C7: variants seen among roughly 807,000 people sequenced by gnomAD.
The protein encoded by C7 is complement C7.
A neutral mutation model predicts 104.8 loss-of-function variants in C7; 83 were observed. The observed-to-expected ratio is 0.79, with a 90% CI of 0.66 to 0.95. The LOEUF (loss-of-function observed/expected upper bound fraction) is 0.95, where lower values mean the gene tolerates loss of function less well. Among genes scored for constraint, C7 ranks in the 40% least tolerant of loss-of-function variants. C7 has a pLI of 0.00. For synonymous variants in C7, 415 were observed against 360.6 expected, an observed-to-expected ratio of 1.15 and a Z score of -1.71; for missense variants, 1,070 against 1,011.2, an observed-to-expected ratio of 1.06 and a Z score of -0.79.
In C7 at chr5:40,934,281, A is replaced by G. The variant is rs754802328; in HGVS notation, c.139-44A>G. 3 of 1,467,462 alleles carry G rather than the reference A, an allele frequency of 2.0e-6. No homozygotes were observed. In the South Asian group the frequency reaches 4.7e-5, roughly 23 times the overall value. 90.9% of individuals were successfully genotyped at this position (1,467,462 alleles called of 1,614,324 possible). On this transcript the variant is annotated intron_variant, in intron 3 of 17. Transcript: ENST00000313164. ...AAAGGAAACTAGAGATTTCTTTGAA[A>G]ACAAACAAATAAACAAACAAACCAC...
chr5:40,937,353 C>T, intron 5 of C7, 199 bp from the exon 6 acceptor site: 1 of 359,672 alleles, frequency 2.8e-6, no homozygotes. Flanking sequence ...GTGATTATAC[C>T]AAGCAGGGGA....
intron 6 of C7, among the ~76,000 whole-genome samples, chr5:40,943,406 A>T (rs1438297145): frequency 6.6e-6 from 1 of 152,178 alleles, no homozygotes; most frequent in Non-Finnish European, 1.5e-5. Context: ...GGAGGGTATT[A>T]ATTAAAGAAA....
intron 4 of C7, 97 bp from the exon 5 acceptor site, chr5:40,936,241 G>T (rs919897179): frequency 5.2e-6 from 5 of 957,442 alleles, no homozygotes; most frequent in African/African-American, 3.2e-5. Context: ...GCGTATCAGT[G>T]CAGTGTTACA....
intron 1 of C7, among the ~76,000 whole-genome samples, chr5:40,918,028 G>T (rs1739355824): frequency 6.6e-6 from 1 of 152,132 alleles, no homozygotes; most frequent in Admixed American, 6.5e-5. Flanking sequence ...TTCTCTGGAA[G>T]CCTCATAATA....
intron 9 of C7, among the ~76,000 whole-genome samples, chr5:40,952,374 C>A (rs976558127): frequency 1.3e-5 from 2 of 152,132 alleles, no homozygotes; most frequent in Admixed American, 6.6e-5. Context: ...ATTGGGCTGC[C>A]TTTTCTAGGG....
rs763481209 is a variant in C7, at chr5:40,964,767, G to T, written c.1776G>T (p.Gly592=). The change falls in exon 14 of 18, where the codon GGG becomes GGT. Residue 592 remains glycine, a synonymous_variant. Transcript: ENST00000313164. ...ATGAAGGTACAATGTTTCCTGTGGG[G>T]AAAAATGTAGTGTACACTTGCAATG... ...VQDEGTMFPV[G]KNVVYTCNEG... is the part of the protein sequence containing the mutation. 9 of 1,612,694 alleles carry T rather than the reference G, an allele frequency of 5.6e-6. No homozygotes were observed. Among genetic ancestry groups the T allele is most frequent in the Non-Finnish European group, 6.8e-6 (8 of 1,178,898 alleles).
At chr5:40,952,530 A>G (rs1342767621) in intron 9 of C7, among the ~76,000 whole-genome samples, 4 of 131,922 alleles carry the variant, frequency 3.0e-5, no homozygotes, top group African/African-American at 8.3e-5. Flanking sequence ...GTTCTAGGGT[A>G]CATGTGCACA....
chr5:40,923,500 C>T (rs1248140614), intron 1 of C7, among the ~76,000 whole-genome samples: 1 of 152,112 alleles, frequency 6.6e-6, no homozygotes, highest in Non-Finnish European at 1.5e-5. Flanking sequence ...AATCCTGACA[C>T]TTTGGGAGGC....
intron 9 of C7, among the ~76,000 whole-genome samples, chr5:40,952,227 A>G (rs1740185640): frequency 6.6e-6 from 1 of 152,240 alleles, no homozygotes; most frequent in African/African-American, 2.4e-5. Context: ...CCTATGTGTT[A>G]AGTATTATTC....
intron 13 of C7, 81 bp from the exon 14 acceptor site, chr5:40,964,660 A>G: frequency 8.1e-7 from 1 of 1,233,610 alleles, no homozygotes; most frequent in Non-Finnish European, 1.2e-6. Flanking sequence ...TATGATTTAT[A>G]GACTGAATAT....
intron 15 of C7, 58 bp from the exon 16 acceptor site, chr5:40,976,692 T>C: frequency 8.2e-7 from 1 of 1,223,864 alleles, no homozygotes; most frequent in Non-Finnish European, 1.2e-6. Context: ...ATATAATACC[T>C]TGTTTACTAT....
At chr5:40,944,647 T>C (rs776863497) in intron 6 of C7, among the ~76,000 whole-genome samples, 4 of 152,248 alleles carry the variant, frequency 2.6e-5, no homozygotes, top group Non-Finnish European at 5.9e-5. Context: ...TAACCTATTG[T>C]CTACTTTAAA....
chr5:40,914,686 A>G (rs1739282814), intron 1 of C7, among the ~76,000 whole-genome samples: 2 of 152,176 alleles, frequency 1.3e-5, no homozygotes, highest in African/African-American at 4.8e-5. Flanking sequence ...GTGAGATGCT[A>G]GACATTCTAT....
chr5:40,975,831 T>C (rs982712644), intron 15 of C7, among the ~76,000 whole-genome samples: 5 of 152,350 alleles, frequency 3.3e-5, no homozygotes, highest in Admixed American at 3.3e-4. Context: ...AGTTTGTGTA[T>C]TCATAAAAAC....
chr5:40,965,648 A>ATATATATATATATTT (rs35802990), intron 14 of C7, among the ~76,000 whole-genome samples: 245 of 130,278 alleles, frequency 1.9e-3, no homozygotes, highest in Non-Finnish European at 2.6e-3. Flanking sequence ...ATATATATAT[A>ATATATATATATATTT]TTTTTTTTTT....
At chr5:40,912,993 A>G (rs1278214402) in intron 1 of C7, among the ~76,000 whole-genome samples, 1 of 152,062 alleles carries the variant, frequency 6.6e-6, no homozygotes. Context: ...CTATTATTCC[A>G]TACTTTTTGT....
At chr5:40,971,892 T>C (rs947194529) in intron 14 of C7, 3 of 331,992 alleles carry the variant, frequency 9.0e-6, no homozygotes, top group South Asian at 8.1e-5. Flanking sequence ...GGCTGTAGTA[T>C]ACACTGATTA....
intron 11 of C7, 150 bp downstream of exon 11, chr5:40,958,411 T>C (rs1057326634): frequency 4.9e-5 from 26 of 535,770 alleles, no homozygotes; most frequent in African/African-American, 4.0e-4. Context: ...TTCCAGATTA[T>C]AGCTACTGTG....
intron 1 of C7, 122 bp from the exon 2 acceptor site, chr5:40,928,458 T>A (rs568377702): frequency 8.3e-6 from 5 of 604,384 alleles, no homozygotes; most frequent in African/African-American, 3.9e-5. Flanking sequence ...TTATTTCACA[T>A]TGTATTGAGA....
Sources: gnomAD v4.1 joint callset for allele counts (sites outside exome capture counted in the v4.1 genomes callset) on GRCh38, gnomAD v4.1.1 for gene constraint, MANE v1.5 for transcripts, NCBI Gene and HGNC (gene_info 2026-07-23, HGNC 2026-07-21) for gene names.